The following DNM2 variants were observed in gnomAD, a reference collection of about 807,000 sequenced individuals.
The protein encoded by DNM2 is dynamin-2.
Under a neutral mutation model 99.0 loss-of-function variants are expected in DNM2, and 15 were observed. That is an observed-to-expected ratio of 0.15 (90% confidence interval 0.10 to 0.23). The LOEUF is 0.23. DNM2 is among the 10% of genes least tolerant of loss of function. The pLI is 1.00. For missense variants in DNM2, 742 were observed against 1,189.4 expected (o/e 0.62, Z 5.53); for synonymous variants, 525 against 481.2 (o/e 1.09, Z -1.19).
chr19:10,780,507 A>C (rs1229326009), intron 5 of DNM2, among the ~76,000 whole-genome samples: 1 of 152,092 alleles, frequency 6.6e-6, no homozygotes, highest in African/African-American at 2.4e-5. Context: ...CCTGTTTCTA[A>C]GAACGAAGGC....
At chr19:10,802,797 AG>A (rs2072199847) in intron 12 of DNM2, among the ~76,000 whole-genome samples, 1 of 152,302 alleles carries the variant, frequency 6.6e-6, no homozygotes, top group East Asian at 1.9e-4. Flanking sequence ...CCTAGCTTCA[AG>A]GCATACACTG....
intron 1 of DNM2, among the ~76,000 whole-genome samples, chr19:10,748,631 C>T (rs150569588): frequency 2.2e-4 from 34 of 152,284 alleles, no homozygotes; most frequent in African/African-American, 7.5e-4. Flanking sequence ...GAGGTGGGTG[C>T]GGGTGACTGC....
At chr19:10,798,429 G>T (rs760776346) in intron 10 of DNM2, 57 bp from the exon 11 acceptor site, 14 of 1,533,600 alleles carry the variant, frequency 9.1e-6, no homozygotes, top group Non-Finnish European at 1.3e-5. Context: ...TGTGGTTCAT[G>T]TTGCTTCCCG....
At chr19:10,808,119 G>A (rs936415014) in intron 13 of DNM2, among the ~76,000 whole-genome samples, 5 of 151,592 alleles carry the variant, frequency 3.3e-5, no homozygotes, top group Non-Finnish European at 7.4e-5. Flanking sequence ...CTCTGGCCTG[G>A]GCGGCTGAGC....
rs2071924252 is a variant in DNM2, at chr19:10,796,135, G to C, written c.1196+696G>C. On this transcript the variant is annotated intron_variant, in intron 9 of 20. Transcript: ENST00000389253. This position sits in a 1 kb window ranked among gnomAD's most constrained non-coding sequence, Gnocchi z 5.6. ...CAGGTCGTCAAGCTGAAAGAGCCCT[G>C]TCTGAAATGTGTCGACCTGGTTATC... 1 of 1,614,078 alleles carries C rather than the reference G, an allele frequency of 6.2e-7. No individual in the cohort carries two copies.
At chr19:10,749,256 G>T (rs1485466678) in intron 1 of DNM2, among the ~76,000 whole-genome samples, 3 of 152,220 alleles carry the variant, frequency 2.0e-5, no homozygotes, top group Non-Finnish European at 4.4e-5. Flanking sequence ...CCTCATAGGG[G>T]CTGGAAGTCA....
chr19:10,760,403 C>G (rs2070580815), intron 2 of DNM2, among the ~76,000 whole-genome samples: 1 of 152,054 alleles, frequency 6.6e-6, no homozygotes, highest in Admixed American at 6.6e-5. Flanking sequence ...AAGTCAGTAG[C>G]AGACGTGGTG....
rs1307478245 is a variant in DNM2, at chr19:10,786,612, C to A, written c.898C>A (p.Leu300Ile). Residue 300 changes from leucine to isoleucine, a missense_variant, in exon 7 of 21, where the codon CTA becomes ATA. Transcript: ENST00000389253. ...GTCGCTGCCGGCCCTACGTAGCAAA[C>A]TACAGAGCCAGCTGCTGTCCCTGGA... is the stretch of plus-strand genomic sequence containing the variant. The part of the protein sequence containing the change: ...RESLPALRSK[L>I]QSQLLSLEKE... 1 of 1,614,162 alleles carries A rather than the reference C, an allele frequency of 6.2e-7. No homozygotes were observed. The highest frequency in any genetic ancestry group is 8.5e-7 in the Non-Finnish European group (1 of 1,180,030).
intron 6 of DNM2, 180 bp from the exon 7 acceptor site, chr19:10,786,384 C>T (rs941717245): frequency 1.2e-5 from 12 of 1,042,734 alleles, no homozygotes; most frequent in Middle Eastern, 3.0e-4. Flanking sequence ...GTGCCGTCTC[C>T]GTTCCCAGAC....
At chr19:10,760,462 G>A (rs1467686453) in intron 2 of DNM2, among the ~76,000 whole-genome samples, 2 of 151,948 alleles carry the variant, frequency 1.3e-5, no homozygotes, top group Admixed American at 6.6e-5. Flanking sequence ...CAATAAAGAC[G>A]CCTGTCTACA....
At chr19:10,814,088 G>A (rs1193743857) in intron 15 of DNM2, among the ~76,000 whole-genome samples, 1 of 151,958 alleles carries the variant, frequency 6.6e-6, no homozygotes, top group African/African-American at 2.4e-5. Flanking sequence ...CCGGAACCTG[G>A]GAGGTGGAGG....
At chr19:10,825,674 A>AAGAGAGAG (rs561156273) in intron 18 of DNM2, among the ~76,000 whole-genome samples, 63 of 139,142 alleles carry the variant, frequency 4.5e-4, no homozygotes, top group African/African-American at 1.5e-3. Flanking sequence ...GTCTCAAGAA[A>AAGAGAGAG]AGAGAGAGAG....
chr19:10,758,907 A>G (rs1336023931), intron 1 of DNM2, among the ~76,000 whole-genome samples: 1 of 151,838 alleles, frequency 6.6e-6, no homozygotes, highest in Non-Finnish European at 1.5e-5. Context: ...CGCGAAATCG[A>G]TCCATTTCAG....
chr19:10,727,115 A>T lies in DNM2; in HGVS notation c.161+8712A>T, dbSNP rs901992980. Among the ~76,000 whole-genome samples the T allele has an allele frequency of 2.6e-5, 4 of 152,228 alleles. No individual in the cohort carries two copies. The South Asian group carries it at 8.3e-4, about 32-fold the overall frequency. ...AACCCCACATGTGAATCGTCTCCCC[A>T]TGTGATTCTTGGTTTGTTTTTGCTG... On this transcript the variant is annotated intron_variant, in intron 1 of 20. Transcript: ENST00000389253.
intron 1 of DNM2, among the ~76,000 whole-genome samples, chr19:10,720,337 C>T (rs919722226): frequency 2.0e-5 from 3 of 151,704 alleles, no homozygotes; most frequent in African/African-American, 4.8e-5. Context: ...CTCAGCCTCC[C>T]GAGTAGCTGG....
At position 10,818,844 on chromosome 19, in the gene DNM2, T is replaced by C. The variant is rs1265241613; in HGVS notation, c.1672-1136T>C. 1.3e-5 allele frequency among the ~76,000 whole-genome samples: 2 copies of C among 152,184 alleles called. No individual in the cohort carries two copies. The highest frequency in any genetic ancestry group is 2.9e-5 in the Non-Finnish European group (2 of 68,022). ...TGGCCTCTGAAGTCCTGCTGTGGCT[T>C]GCGCTGCCTGCCGTGTGGCCTTCGG... On this transcript the variant is annotated intron_variant, in intron 15 of 20. Coordinates refer to ENST00000389253, the MANE Select transcript of DNM2 (RefSeq NM_001005361.3). The surrounding 1 kb of genome is among the most constrained non-coding windows in gnomAD (Gnocchi z 4.3).
chr19:10,815,810 C>A (rs1231972695), intron 15 of DNM2, among the ~76,000 whole-genome samples: 3 of 152,306 alleles, frequency 2.0e-5, no homozygotes, highest in Non-Finnish European at 2.9e-5. Context: ...GTGCCCCCCA[C>A]TGGGGACTTG....
rs367970955 is a variant in DNM2, at chr19:10,830,829, G to A, written c.2544-149G>A. Reference sequence around the variant, plus strand: ...GTTGATGCCTAGGTTTGGCACTCCTGCCCGACACCCTGGTGGCTTGCGGAG... The same window carrying A: ...GTTGATGCCTAGGTTTGGCACTCCTACCCGACACCCTGGTGGCTTGCGGAG... On this transcript the variant is annotated intron_variant, in intron 20 of 20. Transcript: ENST00000389253. The surrounding 1 kb of genome is among the most constrained non-coding windows in gnomAD (Gnocchi z 4.8). 2.1e-3 allele frequency: 2,076 copies of A among 990,352 alleles called. 55 individuals carry two copies. The South Asian group carries it at 0.037, about 18-fold the overall frequency. The allele number at this position is 990,352 out of a possible 1,614,324, so 61.3% of individuals were successfully genotyped here.
rs1438258324 is a variant in DNM2 at position 10,818,384 on chromosome 19, T to C, written c.1672-1596T>C. 1.3e-5 allele frequency among the ~76,000 whole-genome samples: 2 copies of C among 152,236 alleles called. No homozygotes were observed. Among genetic ancestry groups the C allele is most frequent in the Non-Finnish European group, 2.9e-5 (2 of 68,046 alleles). The stretch of plus-strand genomic sequence containing the variant: ...AACCAAAGAAAATCCCGGGTGCTCA[T>C]GGGCACCAGCTCTGCAGTGGGCACC... On this transcript the variant is annotated intron_variant, in intron 15 of 20. Coordinates refer to ENST00000389253, the MANE Select transcript of DNM2 (RefSeq NM_001005361.3). The surrounding 1 kb of genome is among the most constrained non-coding windows in gnomAD (Gnocchi z 4.3).
Sources: gnomAD v4.1 joint callset for allele counts (sites outside exome capture counted in the v4.1 genomes callset) on GRCh38, gnomAD v4.1.1 for gene constraint, Gnocchi (gnomAD v3.1) non-coding constraint, MANE v1.5 for transcripts, NCBI Gene and HGNC (gene_info 2026-07-23, HGNC 2026-07-21) for gene names.